DYNC1I1: variants seen among roughly 807,000 people sequenced by gnomAD.
The protein encoded by DYNC1I1 is cytoplasmic dynein 1 intermediate chain 1.
Under a neutral mutation model 86.6 loss-of-function variants are expected in DYNC1I1, and 43 were observed. The ratio of observed to expected loss-of-function variants is 0.50; its 90% confidence interval spans 0.39 to 0.64. DYNC1I1 has a LOEUF of 0.64. Among genes scored for constraint, DYNC1I1 ranks in the 30% least tolerant of loss-of-function variants. The pLI is 0.00. For missense variants in DYNC1I1, 604 were observed against 788.8 expected (o/e 0.77, Z 2.81); for synonymous variants, 262 against 283.7 (o/e 0.92, Z 0.77).
At chr7:95,894,681 A>AT (rs930272713) in intron 6 of DYNC1I1, among the ~76,000 whole-genome samples, 2 of 152,188 alleles carry the variant, frequency 1.3e-5, no homozygotes, top group Non-Finnish European at 2.9e-5. Flanking sequence ...CAATCAACAC[A>AT]TTTTTGCCAA....
Position 95,943,899 on chromosome 7 carries a change from T to G in DYNC1I1, c.491-33613T>G, listed in dbSNP as rs1347946296. ...CAAGATGGATTAAAGACTTAAACGT[T>G]AGACCTAAAACCATAAAAACCCTAG... On this transcript the variant is annotated intron_variant, in intron 6 of 16. Coordinates refer to ENST00000447467, the MANE Select transcript of DYNC1I1 (RefSeq NM_001135556.2). 2.0e-5 allele frequency among the ~76,000 whole-genome samples: 3 copies of G among 152,002 alleles called. No homozygotes were observed. In the Middle Eastern group the frequency reaches 0.01, roughly 517 times the overall value.
At position 96,076,194 on chromosome 7, in the gene DYNC1I1, C is replaced by G. The variant is rs199625445; in HGVS notation, c.1647C>G (p.Thr549=). Residue 549 remains threonine (T), a synonymous_variant, in exon 15 of 17, where the codon ACC becomes ACG. Coordinates refer to ENST00000447467, the MANE Select transcript of DYNC1I1 (RefSeq NM_001135556.2). ...RLDLWNLNND[T]EVPTASVAIE... is the part of the protein sequence containing the mutation. Reference sequence around the variant, plus strand: ...ACCTCTGGAACCTCAACAATGACACCGAGGTGAGCGGCGGCTCAGGCGCCC... The same window carrying G: ...ACCTCTGGAACCTCAACAATGACACGGAGGTGAGCGGCGGCTCAGGCGCCC... The G allele has an allele frequency of 1.9e-6, 3 of 1,613,910 alleles. No homozygotes were observed. The highest frequency in any genetic ancestry group is 3.3e-5 in the Admixed American group (2 of 60,002).
chr7:95,942,624 T>C (rs1792263230), intron 6 of DYNC1I1, among the ~76,000 whole-genome samples: 1 of 151,864 alleles, frequency 6.6e-6, no homozygotes, highest in Non-Finnish European at 1.5e-5. Flanking sequence ...AAATCCTCAA[T>C]AAAATACTGG....
In DYNC1I1 at chr7:96,018,598, C is replaced by G. The variant is rs149180031; in HGVS notation, c.970-9577C>G. Among the ~76,000 whole-genome samples the G allele has an allele frequency of 1.5e-3, 225 of 152,272 alleles. 2 individuals are homozygous for G. Among genetic ancestry groups the G allele is most frequent in the African/African-American group, 5.1e-3 (211 of 41,562 alleles). ...TTCCTGACAATAAACAAGAAAACTC[C>G]TAGTGTCTACATGGAGAGTGATGCT... On this transcript the variant is annotated intron_variant, in intron 10 of 16. Transcript: ENST00000447467.
intron 5 of DYNC1I1, among the ~76,000 whole-genome samples, chr7:95,839,476 T>G (rs1789217416): frequency 6.6e-6 from 1 of 152,204 alleles, no homozygotes; most frequent in Non-Finnish European, 1.5e-5. Flanking sequence ...CCCCCCACAT[T>G]ATGTGCAATT....
At chr7:95,939,790 C>A (rs1414298161) in intron 6 of DYNC1I1, among the ~76,000 whole-genome samples, 2 of 152,024 alleles carry the variant, frequency 1.3e-5, no homozygotes, top group African/African-American at 4.8e-5. Context: ...GAATTTAGTC[C>A]ATTTACATTT....
intron 5 of DYNC1I1, among the ~76,000 whole-genome samples, chr7:95,850,968 G>C (rs1415536139): frequency 2.0e-5 from 3 of 152,006 alleles, no homozygotes; most frequent in African/African-American, 7.3e-5. Context: ...CCTTGAGACA[G>C]GGTCTCACTC....
chr7:96,079,167 G>A (rs17167340), intron 15 of DYNC1I1, among the ~76,000 whole-genome samples: 1,873 of 152,062 alleles, frequency 0.012, 47 homozygotes, highest in African/African-American at 0.043. Context: ...GATAGGTATT[G>A]GGTCAATAAT....
intron 6 of DYNC1I1, among the ~76,000 whole-genome samples, chr7:95,956,312 A>G (rs1035931022): frequency 1.3e-5 from 2 of 151,600 alleles, no homozygotes; most frequent in African/African-American, 4.8e-5. Flanking sequence ...AGGTGGCTGT[A>G]CTTAGCCACC....
At chr7:95,835,182 C>T (rs1245263539) in intron 5 of DYNC1I1, among the ~76,000 whole-genome samples, 3 of 94,126 alleles carry the variant, frequency 3.2e-5, no homozygotes, top group South Asian at 4.0e-4. Context: ...TCTTTGTTCT[C>T]GTTGGTTTCA....
chr7:95,858,400 C>T (rs552450229), intron 5 of DYNC1I1, among the ~76,000 whole-genome samples: 37 of 152,242 alleles, frequency 2.4e-4, no homozygotes, highest in African/African-American at 8.7e-4. Context: ...GCTGGCATAA[C>T]ACTGCATCCT....
chr7:95,959,675 C>G (rs187466964), intron 6 of DYNC1I1, among the ~76,000 whole-genome samples: 1 of 152,106 alleles, frequency 6.6e-6, no homozygotes, highest in African/African-American at 2.4e-5. Flanking sequence ...GTTTACATAC[C>G]GGTTCTATTC....
chr7:95,803,177 G>A (rs747681157), intron 1 of DYNC1I1, among the ~76,000 whole-genome samples: 2 of 152,168 alleles, frequency 1.3e-5, no homozygotes, highest in Admixed American at 6.5e-5. Flanking sequence ...AATAAGAATG[G>A]TGTACTTGGA....
chr7:95,953,469 T>C (rs917788423), intron 6 of DYNC1I1, among the ~76,000 whole-genome samples: 1 of 152,136 alleles, frequency 6.6e-6, no homozygotes, highest in African/African-American at 2.4e-5. Context: ...GCCACCTGGT[T>C]ATGGTTAGTT....
chr7:95,966,042 T>C (rs962627589), intron 6 of DYNC1I1, among the ~76,000 whole-genome samples: 1 of 152,106 alleles, frequency 6.6e-6, no homozygotes, highest in Non-Finnish European at 1.5e-5. Context: ...GGAGAGGAGT[T>C]CACTTTCCTG....
chr7:95,798,196 C>G (rs974712655), intron 1 of DYNC1I1, among the ~76,000 whole-genome samples: 17 of 152,168 alleles, frequency 1.1e-4, no homozygotes, highest in African/African-American at 4.1e-4. Flanking sequence ...ATTAGTAGAA[C>G]AGTCCTGAGC....
At chr7:95,836,068 T>C (rs369027231) in intron 5 of DYNC1I1, among the ~76,000 whole-genome samples, 1 of 152,282 alleles carries the variant, frequency 6.6e-6, no homozygotes, top group Non-Finnish European at 1.5e-5. Context: ...TTCCTAGTCT[T>C]GATGGTCTTT....
At chr7:95,972,041 G>A (rs959646052) in intron 6 of DYNC1I1, among the ~76,000 whole-genome samples, 1 of 152,084 alleles carries the variant, frequency 6.6e-6, no homozygotes, top group African/African-American at 2.4e-5. Context: ...GCCCTAAGAG[G>A]GCTGAGGAAA....
chr7:95,987,365 G>A (rs1473050427), intron 9 of DYNC1I1, among the ~76,000 whole-genome samples: 3 of 152,132 alleles, frequency 2.0e-5, no homozygotes, highest in Non-Finnish European at 4.4e-5. Context: ...CAAACAAGAA[G>A]CCAGATTGTT....
Sources: allele counts gnomAD v4.1 joint callset (sites outside exome capture counted in the v4.1 genomes callset), GRCh38; gene constraint gnomAD v4.1.1; transcripts MANE v1.5; gene names NCBI Gene and HGNC (gene_info 2026-07-23, HGNC 2026-07-21).